Variants in MAMDC2 observed in about 807,000 individuals in gnomAD.
The protein encoded by MAMDC2 is MAM domain containing 2.
In MAMDC2, 57 loss-of-function variants were observed where a neutral mutation model predicts 89.8. The observed-to-expected ratio is 0.63, with a 90% CI of 0.51 to 0.79. The LOEUF is 0.79. Ranked by LOEUF, MAMDC2 falls within the 30% of genes least tolerant of loss-of-function variation. MAMDC2 has a pLI of 0.00. For synonymous variants in MAMDC2, 313 were observed against 293.4 expected (o/e 1.07, Z -0.68); for missense variants, 800 against 820.6 (o/e 0.97, Z 0.31).
intron 12 of MAMDC2, among the ~76,000 whole-genome samples, chr9:70,220,519 T>C (rs966359340): frequency 1.3e-5 from 2 of 152,176 alleles, no homozygotes. Context: ...TAGTGTCTAA[T>C]AAAACAGATA....
intron 11 of MAMDC2, among the ~76,000 whole-genome samples, chr9:70,197,759 G>A (rs934451201): frequency 1.3e-5 from 2 of 152,092 alleles, no homozygotes; most frequent in Non-Finnish European, 2.9e-5. Flanking sequence ...CAACGATTGA[G>A]GATCCCCAAA....
rs149593293 is a variant in MAMDC2 at position 70,176,857 on chromosome 9, A to G, written c.1651+6226A>G. ...TTTCTAGGGAAATATAATATCAGTG[A>G]TTATTTACAGTAGTTCCCCCTTATC... On this transcript the variant is annotated intron_variant, in intron 11 of 13. Coordinates refer to ENST00000377182, the MANE Select transcript of MAMDC2 (RefSeq NM_153267.5). Among the ~76,000 whole-genome samples the G allele has an allele frequency of 1.5e-3, 225 of 152,298 alleles. 5 individuals are homozygous for G. In the East Asian group the frequency reaches 0.037, roughly 25 times the overall value.
intron 9 of MAMDC2, 143 bp from the exon 10 acceptor site, chr9:70,168,559 C>T (rs945999221): frequency 1.5e-5 from 9 of 612,798 alleles, no homozygotes; most frequent in East Asian, 5.5e-5. Context: ...CTTCTTCCTA[C>T]TGTGTTCTGT....
In MAMDC2 at chr9:70,199,340, G is replaced by A. The variant is rs1168434844; in HGVS notation, c.1652-18997G>A. 2.0e-5 allele frequency among the ~76,000 whole-genome samples: 3 copies of A among 146,590 alleles called. No homozygotes were observed. The East Asian group carries it at 6.2e-4, about 30-fold the overall frequency. ...CTTGCGATAGTTTACTGAGAATGATGATTTCCAATTTCATCCATGTCCCTA... is the reference window on the plus strand; with the variant it reads ...CTTGCGATAGTTTACTGAGAATGATAATTTCCAATTTCATCCATGTCCCTA... On this transcript the variant is annotated intron_variant, in intron 11 of 13. Coordinates refer to ENST00000377182, the MANE Select transcript of MAMDC2 (RefSeq NM_153267.5).
At chr9:70,129,264 T>C (rs2030692106) in intron 6 of MAMDC2, among the ~76,000 whole-genome samples, 1 of 152,130 alleles carries the variant, frequency 6.6e-6, no homozygotes, top group South Asian at 2.1e-4. Flanking sequence ...GATCTGACAG[T>C]TTTATAAGGA....
intron 2 of MAMDC2, chr9:70,088,191 T>G (rs1387113902): frequency 1.3e-5 from 2 of 152,130 alleles, no homozygotes; most frequent in African/African-American, 4.8e-5. Context: ...CAAGAAAGGC[T>G]TATAGCTGGG....
chr9:70,218,979 C>T (rs1204263773), intron 12 of MAMDC2, among the ~76,000 whole-genome samples: 4 of 152,142 alleles, frequency 2.6e-5, no homozygotes, highest in African/African-American at 7.2e-5. Context: ...TACTCACATA[C>T]ATCTAAGAGC....
chr9:70,199,355 C>G (rs910449834), intron 11 of MAMDC2, among the ~76,000 whole-genome samples: 3 of 147,968 alleles, frequency 2.0e-5, no homozygotes, highest in Non-Finnish European at 3.0e-5. Flanking sequence ...CCAATTTCAT[C>G]CATGTCCCTA....
At chr9:70,148,859 G>A (rs1328208652) in intron 9 of MAMDC2, among the ~76,000 whole-genome samples, 1 of 149,204 alleles carries the variant, frequency 6.7e-6, no homozygotes, top group Admixed American at 6.7e-5. Flanking sequence ...GAAACCCCGT[G>A]TCTACTAAAA....
rs189291827 is a variant in MAMDC2 at position 70,121,386 on chromosome 9, T to A, written c.644-4773T>A. On this transcript the variant is annotated intron_variant, in intron 5 of 13. Coordinates refer to ENST00000377182, the MANE Select transcript of MAMDC2 (RefSeq NM_153267.5). ...GCATGACTGAGAACTGTGATCTTTC[T>A]TTCAACTGAATTTGAATTTTTTTTT... 3.9e-3 allele frequency among the ~76,000 whole-genome samples: 599 copies of A among 152,320 alleles called. 6 individuals are homozygous for A. The highest frequency in any genetic ancestry group is 0.014 in the African/African-American group (571 of 41,570).
intron 2 of MAMDC2, among the ~76,000 whole-genome samples, chr9:70,052,509 C>T (rs1370994805): frequency 6.6e-6 from 1 of 152,166 alleles, no homozygotes; most frequent in Non-Finnish European, 1.5e-5. Context: ...CATAACTTTT[C>T]CAGATGAAAA....
chr9:70,084,165 A>G (rs1827715805), intron 2 of MAMDC2, among the ~76,000 whole-genome samples: 1 of 152,066 alleles, frequency 6.6e-6, no homozygotes, highest in Admixed American at 6.6e-5. Context: ...GGTTTCTGTG[A>G]GACGGGAGAC....
intron 11 of MAMDC2, among the ~76,000 whole-genome samples, chr9:70,216,689 A>T (rs2033452093): frequency 6.6e-6 from 1 of 152,250 alleles, no homozygotes; most frequent in South Asian, 2.1e-4. Context: ...AGGCAGTCTA[A>T]ACTTTTCATC....
chr9:70,159,240 T>G (rs1300292549), intron 9 of MAMDC2, among the ~76,000 whole-genome samples: 1 of 152,134 alleles, frequency 6.6e-6, no homozygotes. Flanking sequence ...CAATTCTACA[T>G]CTAGGGATTT....
chr9:70,145,343 C>T lies in MAMDC2; in HGVS notation c.1404+1524C>T, dbSNP rs1048490191. 3.9e-5 allele frequency among the ~76,000 whole-genome samples: 6 copies of T among 152,288 alleles called. No homozygotes were observed. The East Asian group carries it at 9.7e-4, about 24-fold the overall frequency. On this transcript the variant is annotated intron_variant, in intron 9 of 13. Transcript: ENST00000377182. Reference sequence around the variant, plus strand: ...GACTCTTGCTCTTTAAGCTCATTGCCTAGACAATATCAAATAATTTTTGAA... The same window carrying T: ...GACTCTTGCTCTTTAAGCTCATTGCTTAGACAATATCAAATAATTTTTGAA...
chr9:70,204,788 A>C lies in MAMDC2; in HGVS notation c.1652-13549A>C, dbSNP rs571180968. Among the ~76,000 whole-genome samples the C allele has an allele frequency of 4.2e-4, 63 of 149,374 alleles. 1 individual carries two copies. The highest frequency in any genetic ancestry group is 1.5e-3 in the African/African-American group (59 of 40,552). On this transcript the variant is annotated intron_variant, in intron 11 of 13. Transcript: ENST00000377182. ...CCGTTTTTTAAGCCGGTCTGAAAAG[A>C]GCAATATTCGGGTGGGAGTGACCCG...
At position 70,108,327 on chromosome 9, in the gene MAMDC2, A is replaced by C; in HGVS notation, c.265A>C (p.Thr89Pro). ...SCLRLVYQIT[T>P]SSESLSDPSQ... Reference sequence around the variant, plus strand: ...CCTCCGTTTGGTCTACCAGATAACCACATCTTCGGAGTCTCTGTCAGATCC... The same window carrying C: ...CCTCCGTTTGGTCTACCAGATAACCCCATCTTCGGAGTCTCTGTCAGATCC... Residue 89 changes from threonine (T) to proline (P), a missense_variant, in exon 3 of 14, where the codon ACA becomes CCA. Thr to Pro is a conservative substitution (Grantham distance 38). Transcript: ENST00000377182. The C allele has an allele frequency of 6.2e-7, 1 of 1,614,112 alleles. No homozygotes were observed. Among genetic ancestry groups the C allele is most frequent in the Non-Finnish European group, 8.5e-7 (1 of 1,179,998 alleles).
intron 2 of MAMDC2, among the ~76,000 whole-genome samples, chr9:70,097,896 G>C (rs910914477): frequency 4.4e-4 from 67 of 152,040 alleles, no homozygotes; most frequent in Admixed American, 4.4e-3. Context: ...TGTCATATTA[G>C]GGGCTTCACA....
intron 9 of MAMDC2, among the ~76,000 whole-genome samples, chr9:70,144,771 G>A (rs2031343295): frequency 6.6e-6 from 1 of 152,176 alleles, no homozygotes; most frequent in Admixed American, 6.5e-5. Flanking sequence ...TGCAAACTTG[G>A]GGGAACAGTA....
Sources: allele counts gnomAD v4.1 joint callset (sites outside exome capture counted in the v4.1 genomes callset), GRCh38; gene constraint gnomAD v4.1.1; transcripts MANE v1.5; gene names NCBI Gene and HGNC (gene_info 2026-07-23, HGNC 2026-07-21).